The following CTNNA2 variants were observed in gnomAD, a reference collection of about 807,000 sequenced individuals.
CTNNA2 encodes catenin alpha-2.
A neutral mutation model predicts 101.0 loss-of-function variants in CTNNA2; 42 were observed. The observed-to-expected ratio is 0.42, with a 90% CI of 0.32 to 0.54. The LOEUF (loss-of-function observed/expected upper bound fraction) is 0.54. Among genes scored for constraint, CTNNA2 ranks in the 20% least tolerant of loss-of-function variants. CTNNA2 has a pLI of 0.14. For synonymous variants in CTNNA2, 450 were observed against 456.4 expected, an observed-to-expected ratio of 0.99 and a Z score of 0.18; for missense variants, 871 against 1,223.1, an observed-to-expected ratio of 0.71 and a Z score of 4.29.
At chr2:80,179,574 C>T (rs11896299) in intron 7 of CTNNA2, among the ~76,000 whole-genome samples, 1,542 of 152,132 alleles carry the variant, frequency 0.01, 32 homozygotes, top group African/African-American at 0.035. Context: ...GGGATTTCAC[C>T]GTGTTAGCCA....
At chr2:80,406,335 G>GAA (rs71669400) in intron 8 of CTNNA2, among the ~76,000 whole-genome samples, 7 of 129,676 alleles carry the variant, frequency 5.4e-5, no homozygotes, top group East Asian at 4.8e-4. Flanking sequence ...ACTCCTTCTC[G>GAA]AAAAAAAAAA....
At chr2:80,240,934 G>T (rs1050116988) in intron 7 of CTNNA2, among the ~76,000 whole-genome samples, 1 of 152,116 alleles carries the variant, frequency 6.6e-6, no homozygotes, top group African/African-American at 2.4e-5. Context: ...GAACTCTGAG[G>T]CTGGGTGGCA....
upstream of CTNNA2, among the ~76,000 whole-genome samples, chr2:79,510,344 A>G (rs190510784): frequency 5.3e-4 from 81 of 152,326 alleles, no homozygotes; most frequent in Non-Finnish European, 7.9e-4. Flanking sequence ...GACTCAAAAC[A>G]AAAGAAATAA....
chr2:79,456,021 T>G (rs1473137489), intron 4 of CTNNA2, among the ~76,000 whole-genome samples: 2 of 152,074 alleles, frequency 1.3e-5, no homozygotes, highest in East Asian at 3.8e-4. Flanking sequence ...ATTTATATTT[T>G]TATTTGCATG....
chr2:79,392,757 C>T (rs564857053), intron 4 of CTNNA2, among the ~76,000 whole-genome samples: 21 of 152,286 alleles, frequency 1.4e-4, no homozygotes, highest in African/African-American at 5.1e-4. Flanking sequence ...TTCATGTTGA[C>T]TTACATTTCC....
intron 7 of CTNNA2, among the ~76,000 whole-genome samples, chr2:80,220,057 T>A (rs1558915452): frequency 6.6e-6 from 1 of 152,200 alleles, no homozygotes; most frequent in Non-Finnish European, 1.5e-5. Context: ...ATTGCATCCC[T>A]TTAATACCTT....
At chr2:79,202,800 T>G (rs934526820) in intron 2 of CTNNA2, among the ~76,000 whole-genome samples, 1 of 152,238 alleles carries the variant, frequency 6.6e-6, no homozygotes. Flanking sequence ...GCCCAGCCAT[T>G]GTTCTCACAT....
At chr2:80,182,741 G>C (rs981012955) in intron 7 of CTNNA2, among the ~76,000 whole-genome samples, 1 of 152,208 alleles carries the variant, frequency 6.6e-6, no homozygotes, top group Non-Finnish European at 1.5e-5. Flanking sequence ...GATTTTTATG[G>C]CGAAAAAGCC....
intron 7 of CTNNA2, among the ~76,000 whole-genome samples, chr2:80,247,659 A>T (rs182640980): frequency 6.6e-6 from 1 of 151,806 alleles, no homozygotes; most frequent in African/African-American, 2.4e-5. Context: ...TTGTTTTTCC[A>T]TTCTTCCTTT....
At chr2:79,426,417 T>C (rs1678592747) in intron 4 of CTNNA2, among the ~76,000 whole-genome samples, 1 of 152,102 alleles carries the variant, frequency 6.6e-6, no homozygotes, top group Non-Finnish European at 1.5e-5. Context: ...GGAGTAACAA[T>C]TTATATGGTT....
intron 1 of CTNNA2, among the ~76,000 whole-genome samples, chr2:79,629,844 GC>G (rs1679570428): frequency 6.6e-6 from 1 of 151,968 alleles, no homozygotes; most frequent in Admixed American, 6.6e-5. Flanking sequence ...ACCTGGAGAG[GC>G]TGTCCCTCCA....
intron 7 of CTNNA2, among the ~76,000 whole-genome samples, chr2:80,294,310 A>G (rs1470376416): frequency 6.6e-6 from 1 of 152,210 alleles, no homozygotes; most frequent in Non-Finnish European, 1.5e-5. Context: ...TTTGTAAACT[A>G]GAGTGCTCAG....
intron 7 of CTNNA2, among the ~76,000 whole-genome samples, chr2:80,370,575 A>C (rs1675351473): frequency 6.6e-6 from 1 of 152,132 alleles, no homozygotes; most frequent in African/African-American, 2.4e-5. Context: ...CGAGGAGAAA[A>C]AAACTTAAAA....
chr2:79,612,725 A>G (rs949720438), intron 1 of CTNNA2, among the ~76,000 whole-genome samples: 5 of 152,132 alleles, frequency 3.3e-5, no homozygotes, highest in African/African-American at 1.2e-4. Context: ...AACATAATTT[A>G]TCCCTAATAA....
rs531986303 is a variant in CTNNA2 at position 79,422,516 on chromosome 2, C to T, written c.-135+48503C>T. On this transcript the variant is annotated intron_variant, in intron 4 of 21. Transcript: ENST00000466387. ...AATGTATGCTAGAGGGAGCAGTCTT[C>T]CATGGTTTTCTTCTCCCTAGCCTTA... Among the ~76,000 whole-genome samples, 7 of 152,262 alleles carry T rather than the reference C, an allele frequency of 4.6e-5. 1 individual carries two copies. In the South Asian group the frequency reaches 1.4e-3, roughly 32 times the overall value.
intron 7 of CTNNA2, among the ~76,000 whole-genome samples, chr2:80,156,558 T>G (rs1333774074): frequency 1.3e-5 from 2 of 152,222 alleles, no homozygotes; most frequent in African/African-American, 4.8e-5. Context: ...AAAGGTAGGT[T>G]GGTTTGGTGC....
At chr2:79,268,453 G>T (rs1282993921) in intron 2 of CTNNA2, among the ~76,000 whole-genome samples, 1 of 152,092 alleles carries the variant, frequency 6.6e-6, no homozygotes, top group Non-Finnish European at 1.5e-5. Context: ...AACATTCTTT[G>T]TAGTAAGCCA....
intron 1 of CTNNA2, among the ~76,000 whole-genome samples, chr2:79,544,648 A>T (rs1358190148): frequency 6.6e-6 from 1 of 152,224 alleles, no homozygotes; most frequent in Non-Finnish European, 1.5e-5. Context: ...GTCTAGCTTC[A>T]GAATTTTTTC....
chr2:80,588,277 C>A (rs896601454), intron 14 of CTNNA2, among the ~76,000 whole-genome samples: 1 of 152,234 alleles, frequency 6.6e-6, no homozygotes, highest in South Asian at 2.1e-4. Flanking sequence ...ATGCTTGGAG[C>A]CATTTTAAAC....
Sources: gnomAD v4.1 joint callset for allele counts (sites outside exome capture counted in the v4.1 genomes callset) on GRCh38, gnomAD v4.1.1 for gene constraint, MANE v1.5 for transcripts, NCBI Gene and HGNC (gene_info 2026-07-23, HGNC 2026-07-21) for gene names.